The following NDST4 variants were observed in gnomAD, a reference collection of about 807,000 sequenced individuals.
The protein encoded by NDST4 is N-heparan sulfate sulfotransferase 4.
In NDST4, 63 loss-of-function variants were observed where a neutral mutation model predicts 100.8. The observed-to-expected ratio is 0.62, with a 90% CI of 0.51 to 0.77. The LOEUF is 0.77. NDST4 is among the 30% of genes least tolerant of loss of function. The pLI, the probability that NDST4 is intolerant of heterozygous loss-of-function variation, is 0.00. For synonymous variants in NDST4, 377 were observed against 361.8 expected (o/e 1.04, Z -0.48); for missense variants, 943 against 1,018.4 (o/e 0.93, Z 1.01).
intron 2 of NDST4, among the ~76,000 whole-genome samples, chr4:115,034,774 G>A (rs1247155385): frequency 1.3e-5 from 2 of 152,032 alleles, no homozygotes; most frequent in Non-Finnish European, 2.9e-5. Context: ...GCTCCAACCT[G>A]ATTACTGACC....
chr4:114,892,957 A>G (rs1412001456), intron 6 of NDST4, among the ~76,000 whole-genome samples: 1 of 151,802 alleles, frequency 6.6e-6, no homozygotes, highest in Non-Finnish European at 1.5e-5. Context: ...ACGTGTTCTC[A>G]ATATTTGACT....
chr4:115,089,135 CT>C (rs1379204448), intron 1 of NDST4, among the ~76,000 whole-genome samples: 8 of 151,994 alleles, frequency 5.3e-5, no homozygotes, highest in Non-Finnish European at 8.8e-5. Context: ...CAAGGTACAA[CT>C]CAAATGATCT....
At chr4:114,829,751 A>G (rs1260525725) in intron 13 of NDST4, 39 bp downstream of exon 13, 2 of 1,488,150 alleles carry the variant, frequency 1.3e-6, no homozygotes, top group African/African-American at 1.4e-5. Context: ...GTTTGCAAAT[A>G]TTTTTGCTAG....
At chr4:114,991,050 T>C (rs1006683514) in intron 2 of NDST4, among the ~76,000 whole-genome samples, 2 of 151,906 alleles carry the variant, frequency 1.3e-5, no homozygotes, top group Admixed American at 6.6e-5. Flanking sequence ...AAAACACCTC[T>C]GGCGAAGTAA....
intron 6 of NDST4, among the ~76,000 whole-genome samples, chr4:114,926,531 G>GTGAGAGTCAA (rs1311070042): frequency 6.6e-6 from 1 of 151,722 alleles, no homozygotes; most frequent in Non-Finnish European, 1.5e-5. Context: ...ATATATCTCT[G>GTGAGAGTCAA]AATGCCAGTG....
chr4:114,909,515 C>G (rs1725019777), intron 6 of NDST4, among the ~76,000 whole-genome samples: 1 of 150,842 alleles, frequency 6.6e-6, no homozygotes, highest in Middle Eastern at 3.4e-3. Flanking sequence ...AAAAAATTAG[C>G]CGGGCGCGGT....
chr4:115,042,757 T>C (rs989882768), intron 2 of NDST4, among the ~76,000 whole-genome samples: 1 of 152,076 alleles, frequency 6.6e-6, no homozygotes, highest in South Asian at 2.1e-4. Flanking sequence ...TCTTAACAAC[T>C]GGCAGATCTG....
Position 114,903,043 on chromosome 4 carries a change from A to T in NDST4, c.1537-32093T>A, listed in dbSNP as rs559571916. On this transcript the variant is annotated intron_variant, in intron 6 of 13. Transcript: ENST00000264363. ...TAGCATGTTACAGTTGTCTAAAACT[A>T]TTGTTCTGAAATTTCCACATCCCTG... Among the ~76,000 whole-genome samples the T allele has an allele frequency of 3.3e-5, 5 of 152,148 alleles. No homozygotes were observed. The South Asian group carries it at 8.3e-4, about 25-fold the overall frequency.
Position 114,915,678 on chromosome 4 carries a change from G to T in NDST4, c.1536+19528C>A, listed in dbSNP as rs149306199. On this transcript the variant is annotated intron_variant, in intron 6 of 13. Transcript: ENST00000264363. ...CATTTTAAAATCCACCTCATTGGTTGTTAATTGAAATCTATCACTTTTATT... is the reference window on the plus strand; with the variant it reads ...CATTTTAAAATCCACCTCATTGGTTTTTAATTGAAATCTATCACTTTTATT... 8.7e-3 allele frequency among the ~76,000 whole-genome samples: 1,331 copies of T among 152,202 alleles called. 12 individuals carry two copies. Among genetic ancestry groups the T allele is most frequent in the Non-Finnish European group, 0.011 (726 of 67,996 alleles).
chr4:115,112,691 G>T (rs536403114), intron 1 of NDST4, among the ~76,000 whole-genome samples: 140 of 151,834 alleles, frequency 9.2e-4, no homozygotes, highest in African/African-American at 3.2e-3. Context: ...TTCTCAAAAA[G>T]AATATTGAAA....
chr4:114,955,067 C>T (rs1391458486), intron 4 of NDST4, among the ~76,000 whole-genome samples: 1 of 152,052 alleles, frequency 6.6e-6, no homozygotes, highest in African/African-American at 2.4e-5. Context: ...TATAAATTCC[C>T]CAGTCTCAAG....
intron 2 of NDST4, among the ~76,000 whole-genome samples, chr4:115,070,597 T>A (rs1173427217): frequency 6.6e-6 from 1 of 152,214 alleles, no homozygotes; most frequent in Non-Finnish European, 1.5e-5. Flanking sequence ...AGTTAAATTT[T>A]ATTAATAAAC....
chr4:114,875,883 T>G (rs1030211355), intron 6 of NDST4, among the ~76,000 whole-genome samples: 1 of 152,206 alleles, frequency 6.6e-6, no homozygotes, highest in Non-Finnish European at 1.5e-5. Flanking sequence ...AGAATGGTAT[T>G]GTAAACTGTA....
At chr4:115,106,434 C>T (rs534749504) in intron 1 of NDST4, among the ~76,000 whole-genome samples, 1 of 151,932 alleles carries the variant, frequency 6.6e-6, no homozygotes, top group Non-Finnish European at 1.5e-5. Flanking sequence ...TCCTGGACCC[C>T]CTAACCCTCC....
intron 6 of NDST4, among the ~76,000 whole-genome samples, chr4:114,900,567 G>A (rs1724815379): frequency 6.6e-6 from 1 of 152,102 alleles, no homozygotes; most frequent in South Asian, 2.1e-4. Context: ...CAACCACTGT[G>A]TTACAATTGC....
intron 7 of NDST4, among the ~76,000 whole-genome samples, chr4:114,863,471 G>A (rs182250022): frequency 8.5e-5 from 13 of 152,320 alleles, no homozygotes; most frequent in African/African-American, 3.1e-4. Flanking sequence ...AAAAAGCTAA[G>A]CATTTAATTG....
intron 2 of NDST4, among the ~76,000 whole-genome samples, chr4:115,034,249 C>T (rs879725484): frequency 5.9e-5 from 9 of 152,086 alleles, no homozygotes; most frequent in Non-Finnish European, 1.0e-4. Flanking sequence ...CCTCCTGAGA[C>T]ATCCACTGGT....
intron 1 of NDST4, among the ~76,000 whole-genome samples, chr4:115,109,727 C>A (rs1729905334): frequency 6.6e-6 from 1 of 151,840 alleles, no homozygotes; most frequent in Non-Finnish European, 1.5e-5. Context: ...AGTATATTAT[C>A]TCTTTTAAAA....
rs1195540160 is a variant in NDST4, at chr4:114,832,979, T to G, written c.2396+627A>C. On this transcript the variant is annotated intron_variant, in intron 12 of 13. Transcript: ENST00000264363. Reference sequence around the variant, plus strand: ...AGTCATCTGAGTCAAAGCCAGATATTCAAGTCTTCCAGGCTGTGGCTCTAA... The same window carrying G: ...AGTCATCTGAGTCAAAGCCAGATATGCAAGTCTTCCAGGCTGTGGCTCTAA... Among the ~76,000 whole-genome samples, 5 of 121,040 alleles carry G rather than the reference T, an allele frequency of 4.1e-5. 2 individuals carry two copies. In the South Asian group the frequency reaches 1.2e-3, roughly 30 times the overall value. The allele number at this position is 121,040 out of a possible 152,430, so 79.4% of individuals were successfully genotyped here.
Sources: allele counts gnomAD v4.1 joint callset (sites outside exome capture counted in the v4.1 genomes callset), GRCh38; gene constraint gnomAD v4.1.1; transcripts MANE v1.5; gene names NCBI Gene and HGNC (gene_info 2026-07-23, HGNC 2026-07-21).